The following DAPK3 variants were observed in gnomAD, a reference collection of about 807,000 sequenced individuals.
DAPK3 encodes death associated protein kinase 3.
DAPK3 carries 24 observed loss-of-function variants against 30.6 expected under a neutral mutation model. The observed-to-expected ratio is 0.78, with a 90% CI of 0.57 to 1.10. DAPK3 has a LOEUF of 1.10. Among genes scored for constraint, DAPK3 ranks in the 50% least tolerant of loss-of-function variants. DAPK3 has a pLI of 0.00. For missense variants in DAPK3, 629 were observed against 657.3 expected, an observed-to-expected ratio of 0.96 and a Z score of 0.47; for synonymous variants, 341 against 284.0, an observed-to-expected ratio of 1.20 and a Z score of -2.02.
chr19:3,959,775 G>A (rs781242345), intron 8 of DAPK3, 138 bp from the exon 9 acceptor site: 23 of 1,037,226 alleles, frequency 2.2e-5, no homozygotes, highest in East Asian at 7.9e-5. Flanking sequence ...TGCCCAGCCC[G>A]ACGCAAAGCC....
intron 6 of DAPK3, among the ~76,000 whole-genome samples, chr19:3,962,887 G>A (rs1292504893): frequency 6.6e-6 from 1 of 151,828 alleles, no homozygotes; most frequent in Non-Finnish European, 1.5e-5. Flanking sequence ...GATCACCTGA[G>A]GTCAGGAGTT....
Position 3,964,229 on chromosome 19 carries a change from T to C in DAPK3, c.553+15A>G. 3.1e-6 allele frequency: 5 copies of C among 1,597,194 alleles called. No individual in the cohort carries two copies. Among genetic ancestry groups the C allele is most frequent in the Non-Finnish European group, 3.4e-6 (4 of 1,167,728 alleles). ...CCCTCCCCAGGCCGGGGCTGCCCAC[T>C]GGGCAGGGCCTCACCCACAAACTCC... On this transcript the variant is annotated intron_variant, in intron 4 of 8. Transcript: ENST00000545797.
rs969951879 is a variant in DAPK3 at position 3,960,949 on chromosome 19, G to A, written c.782+60C>T. ...GGGAGGAGAGTCCTCTGGAGCCTCC[G>A]TGGGTGGAGTGGGCCTGTGTCCCAT... is the stretch of plus-strand genomic sequence containing the variant. On this transcript the variant is annotated intron_variant, in intron 7 of 8. Coordinates refer to ENST00000545797, the MANE Select transcript of DAPK3 (RefSeq NM_001348.3). The A allele has an allele frequency of 2.5e-5, 40 of 1,578,604 alleles. No individual in the cohort carries two copies. In the Admixed American group the frequency reaches 3.5e-4, roughly 14 times the overall value.
At chr19:3,968,464 G>A (rs762043764) in intron 2 of DAPK3, among the ~76,000 whole-genome samples, 1 of 151,014 alleles carries the variant, frequency 6.6e-6, no homozygotes, top group Non-Finnish European at 1.5e-5. Flanking sequence ...GACAGAATGA[G>A]ATAGTGTCAA....
intron 6 of DAPK3, chr19:3,961,656 G>T: frequency 2.6e-6 from 1 of 389,334 alleles, no homozygotes. Context: ...TCGTGACAGC[G>T]CACGAGACTA....
chr19:3,959,677 CA>C (rs1216190099), intron 8 of DAPK3, 40 bp from the exon 9 acceptor site: 11 of 1,499,568 alleles, frequency 7.3e-6, no homozygotes, highest in Non-Finnish European at 9.8e-6. Flanking sequence ...CCCGCGATGC[CA>C]CCCAGCCCCG....
intron 2 of DAPK3, among the ~76,000 whole-genome samples, chr19:3,965,344 C>T (rs57974733): frequency 4.6e-5 from 7 of 152,170 alleles, no homozygotes; most frequent in Non-Finnish European, 1.0e-4. Flanking sequence ...GGGCCAGGCG[C>T]GGTGGCTCAC....
intron 2 of DAPK3, among the ~76,000 whole-genome samples, chr19:3,966,267 C>T (rs896977430): frequency 2.6e-5 from 4 of 152,262 alleles, no homozygotes; most frequent in Non-Finnish European, 2.9e-5. Flanking sequence ...GCCTACCTCC[C>T]GGCTCCACGC....
chr19:3,964,572 CGCCCCAT>C, intron 3 of DAPK3, 52 bp downstream of exon 3: 1 of 1,390,318 alleles, frequency 7.2e-7, no homozygotes, highest in Non-Finnish European at 9.8e-7. Flanking sequence ...GGCTCTTCCC[CGCCCCAT>C]CCCCACCCCC....
In DAPK3 at chr19:3,964,935, G is replaced by GCGTACTCCTTGCC. The variant is rs1192373873; in HGVS notation, c.106_118dup (p.Ala40GlyfsTer68). 6.2e-7 allele frequency: 1 copy of GCGTACTCCTTGCC among 1,612,036 alleles called. No homozygotes were observed. Among genetic ancestry groups the GCGTACTCCTTGCC allele is most frequent in the Non-Finnish European group, 8.5e-7 (1 of 1,178,666 alleles). ...GCGGCGCTTCTTGATGAACTTGGCT[G>GCGTACTCCTTGCC]CGTACTCCTTGCCCGTGCCCTTCTG... On this transcript the variant is annotated frameshift_variant, in exon 3 of 9. Transcript: ENST00000545797. LOFTEE classifies it high-confidence loss of function.
intron 6 of DAPK3, 199 bp from the exon 7 acceptor site, chr19:3,961,360 A>AC: frequency 2.9e-6 from 2 of 699,038 alleles, no homozygotes; most frequent in South Asian, 2.8e-5. Flanking sequence ...CCACCCCCCC[A>AC]CCCCGCCACT....
rs1206306070 is a variant in DAPK3, at chr19:3,964,913, G to A, written c.141C>T (p.Arg47=). The stretch of plus-strand genomic sequence containing the variant: ...CCCCACGCCGGCTGGATGACAGGCG[G>A]CGCTTCTTGATGAACTTGGCTGCGT... ...KEYAAKFIKK[R]RLSSSRRGVS... Residue 47 remains arginine, a synonymous_variant, in exon 3 of 9, where the codon CGC becomes CGT. Coordinates refer to ENST00000545797, the MANE Select transcript of DAPK3 (RefSeq NM_001348.3). 6.2e-7 allele frequency: 1 copy of A among 1,612,194 alleles called. No individual in the cohort carries two copies. Among genetic ancestry groups the A allele is most frequent in the Admixed American group, 1.7e-5 (1 of 60,018 alleles).
At chr19:3,966,322 G>A (rs976916021) in intron 2 of DAPK3, among the ~76,000 whole-genome samples, 5 of 152,106 alleles carry the variant, frequency 3.3e-5, no homozygotes, top group East Asian at 1.9e-4. Context: ...AGCCTTTGCC[G>A]CTCACTCTCA....
intron 6 of DAPK3, among the ~76,000 whole-genome samples, chr19:3,963,393 C>G (rs1318656678): frequency 3.9e-5 from 6 of 152,090 alleles, no homozygotes; most frequent in Admixed American, 2.6e-4. Flanking sequence ...GCCAGAGGGA[C>G]AGGAGCACAC....
chr19:3,964,344 G>A lies in DAPK3; in HGVS notation c.453C>T (p.Asn151=), dbSNP rs763117151. The A allele has an allele frequency of 2.9e-5, 47 of 1,613,064 alleles. No homozygotes were observed. The African/African-American group carries it at 4.0e-4, about 14-fold the overall frequency. The change falls in exon 4 of 9, where the codon AAC becomes AAT. Residue 151 remains asparagine (N), a synonymous_variant. Coordinates refer to ENST00000545797, the MANE Select transcript of DAPK3 (RefSeq NM_001348.3). ...KPENIMLLDK[N]VPNPRIKLID... ...TGAGCTTGATTCGTGGGTTGGGCAC[G>A]TTCTTGTCCAGCAGCATGATGTTTT...
Position 3,958,807 on chromosome 19 carries a change from C to A in DAPK3, c.*294G>T. Reference sequence around the variant, plus strand: ...GGGCCGCCTCTGCGCCTCGGTGGGTCCCAACCCTCACGGTGCCACAGGCCA... The same window carrying A: ...GGGCCGCCTCTGCGCCTCGGTGGGTACCAACCCTCACGGTGCCACAGGCCA... On this transcript the variant is annotated 3_prime_UTR_variant, in exon 9 of 9. Coordinates refer to ENST00000545797, the MANE Select transcript of DAPK3 (RefSeq NM_001348.3). 1.8e-6 allele frequency: 1 copy of A among 565,552 alleles called. No homozygotes were observed. Among genetic ancestry groups the A allele is most frequent in the Non-Finnish European group, 3.2e-6 (1 of 315,202 alleles). The allele number at this position is 565,552 out of a possible 1,614,324, so 35.0% of individuals were successfully genotyped here. A position where few individuals can be genotyped will look rare whatever the true frequency, so the allele number is the denominator to read the frequency against.
intron 1 of DAPK3, 167 bp from the exon 2 acceptor site, chr19:3,969,996 T>C: frequency 1.9e-6 from 1 of 524,736 alleles, no homozygotes; most frequent in Non-Finnish European, 3.4e-6. Flanking sequence ...TCCTGTCATG[T>C]CACCTCTTAG....
At chr19:3,967,407 T>C (rs1428516252) in intron 2 of DAPK3, among the ~76,000 whole-genome samples, 3 of 149,972 alleles carry the variant, frequency 2.0e-5, no homozygotes, top group Non-Finnish European at 3.0e-5. Context: ...GAGCTGAGAT[T>C]GCGGCATTGC....
intron 6 of DAPK3, 46 bp from the exon 7 acceptor site, chr19:3,961,207 A>T (rs566367077): frequency 6.5e-7 from 1 of 1,541,376 alleles, no homozygotes; most frequent in Admixed American, 1.7e-5. Flanking sequence ...GGCTCCCACC[A>T]CGGCCGCGCC....
Sources: allele counts gnomAD v4.1 joint callset (sites outside exome capture counted in the v4.1 genomes callset), GRCh38; gene constraint gnomAD v4.1.1; transcripts MANE v1.5; gene names NCBI Gene and HGNC (gene_info 2026-07-23, HGNC 2026-07-21).